DIS3L2: variants seen among roughly 807,000 people sequenced by gnomAD.
DIS3L2 encodes DIS3 like 3'-5' exoribonuclease 2.
A neutral mutation model predicts 97.5 loss-of-function variants in DIS3L2; 34 were observed. That is an observed-to-expected ratio of 0.35 (90% CI 0.27 to 0.46). DIS3L2 has a LOEUF of 0.46. DIS3L2 is among the 20% of genes least tolerant of loss of function. The probability of loss-of-function intolerance (pLI) is 1.00; values close to 1 mark genes in which losing one functional copy is unlikely to be tolerated. For synonymous variants in DIS3L2, 435 were observed against 445.2 expected (o/e 0.98, Z 0.29); for missense variants, 1,038 against 1,146.0 (o/e 0.91, Z 1.36).
chr2:232,333,302 A>G (rs1270350201), intron 16 of DIS3L2, among the ~76,000 whole-genome samples: 1 of 113,328 alleles, frequency 8.8e-6, no homozygotes, highest in African/African-American at 3.5e-5. Context: ...TGCCATCGCC[A>G]CCTCCTCCTC....
At chr2:232,043,702 T>A (rs555579986) in intron 5 of DIS3L2, among the ~76,000 whole-genome samples, 4 of 152,314 alleles carry the variant, frequency 2.6e-5, no homozygotes, top group African/African-American at 9.6e-5. Context: ...ATTTGTTGAT[T>A]TTGGAATTAA....
chr2:232,183,976 C>A (rs1691365106), intron 9 of DIS3L2, among the ~76,000 whole-genome samples: 1 of 152,036 alleles, frequency 6.6e-6, no homozygotes, highest in Admixed American at 6.6e-5. Flanking sequence ...GATTTTAAGG[C>A]TGGAGAGAGA....
intron 14 of DIS3L2, among the ~76,000 whole-genome samples, chr2:232,318,326 T>G (rs2106337027): frequency 6.6e-6 from 1 of 152,364 alleles, no homozygotes; most frequent in African/African-American, 2.4e-5. Flanking sequence ...CGCTGAGAAG[T>G]CTGCCCACAC....
chr2:232,236,590 G>A (rs531503522), intron 10 of DIS3L2, among the ~76,000 whole-genome samples: 1 of 152,174 alleles, frequency 6.6e-6, no homozygotes, highest in South Asian at 2.1e-4. Flanking sequence ...GGTCCTTAGT[G>A]CCTAGGATCC....
chr2:232,116,684 G>A (rs1172161472), intron 6 of DIS3L2, among the ~76,000 whole-genome samples: 1 of 152,188 alleles, frequency 6.6e-6, no homozygotes, highest in African/African-American at 2.4e-5. Flanking sequence ...TGGGTCGTGT[G>A]GCTCTGAATG....
intron 5 of DIS3L2, among the ~76,000 whole-genome samples, chr2:232,041,532 C>G (rs1695111389): frequency 6.6e-6 from 1 of 152,134 alleles, no homozygotes; most frequent in Non-Finnish European, 1.5e-5. Flanking sequence ...GGAGCAAAAA[C>G]CAAAGCAGAG....
intron 14 of DIS3L2, chr2:232,328,734 C>T (rs916291053): frequency 7.2e-5 from 11 of 152,336 alleles, no homozygotes; most frequent in Admixed American, 6.5e-4. Context: ...CCCGATAGCC[C>T]CATGTCTCCC....
At chr2:232,070,198 G>A (rs964341988) in intron 5 of DIS3L2, among the ~76,000 whole-genome samples, 1 of 152,132 alleles carries the variant, frequency 6.6e-6, no homozygotes, top group Non-Finnish European at 1.5e-5. Context: ...TCGTAGGGGC[G>A]GAGGTTGCAG....
chr2:231,963,212 TC>T (rs1411564965), intron 1 of DIS3L2, among the ~76,000 whole-genome samples: 1 of 152,220 alleles, frequency 6.6e-6, no homozygotes, highest in Non-Finnish European at 1.5e-5. Flanking sequence ...GTTTAAATGT[TC>T]CCTTTCCAAG....
intron 13 of DIS3L2, among the ~76,000 whole-genome samples, chr2:232,286,384 T>C (rs1203246374): frequency 2.0e-5 from 3 of 150,502 alleles, no homozygotes; most frequent in Non-Finnish European, 4.4e-5. Flanking sequence ...TGTATCTTCC[T>C]GCTGCGGCCC....
chr2:232,320,051 C>A (rs1360326063), intron 14 of DIS3L2, among the ~76,000 whole-genome samples: 1 of 152,146 alleles, frequency 6.6e-6, no homozygotes, highest in South Asian at 2.1e-4. Context: ...ACCCAGCAGT[C>A]TTATGGTTTT....
chr2:232,118,581 G>T (rs1468509038), intron 6 of DIS3L2, among the ~76,000 whole-genome samples: 1 of 152,170 alleles, frequency 6.6e-6, no homozygotes, highest in Non-Finnish European at 1.5e-5. Flanking sequence ...CAACTGTTGT[G>T]CAGAAGGCAC....
rs573160792 is a variant in DIS3L2 at position 232,325,822 on chromosome 2, T to A, written c.1740-3991T>A. Among the ~76,000 whole-genome samples the A allele has an allele frequency of 1.3e-5, 2 of 152,300 alleles. No individual in the cohort carries two copies. Among genetic ancestry groups the A allele is most frequent in the African/African-American group, 4.8e-5 (2 of 41,572 alleles). Reference sequence around the variant, plus strand: ...CCGCAGGGCCCAGTGATCTCACGCCTGTGCCCCTGGTGCTGGGAGGAGTGG... The same window carrying A: ...CCGCAGGGCCCAGTGATCTCACGCCAGTGCCCCTGGTGCTGGGAGGAGTGG... On this transcript the variant is annotated intron_variant, in intron 14 of 20. Coordinates refer to ENST00000325385, the MANE Select transcript of DIS3L2 (RefSeq NM_152383.5). The surrounding 1 kb of genome is among the most constrained non-coding windows in gnomAD (Gnocchi z 4.6).
At chr2:232,156,602 A>G (rs544846438) in intron 8 of DIS3L2, among the ~76,000 whole-genome samples, 1 of 152,216 alleles carries the variant, frequency 6.6e-6, no homozygotes, top group East Asian at 1.9e-4. Flanking sequence ...AAAACTGGAC[A>G]TTATAAAATG....
intron 3 of DIS3L2, among the ~76,000 whole-genome samples, chr2:232,016,301 A>G (rs1488731291): frequency 6.6e-6 from 1 of 152,234 alleles, no homozygotes; most frequent in African/African-American, 2.4e-5. Context: ...GGTTAGAATA[A>G]GTGTGCAGCA....
downstream of DIS3L2, among the ~76,000 whole-genome samples, chr2:232,340,219 GA>G (rs1460837574): frequency 2.6e-5 from 4 of 152,182 alleles, no homozygotes; most frequent in African/African-American, 4.8e-5. Flanking sequence ...TTGGATCCTG[GA>G]AAGCAGAAGG....
In DIS3L2 at chr2:232,314,903, C is replaced by T. The variant is rs7605391; in HGVS notation, c.1739+14784C>T. On this transcript the variant is annotated intron_variant, in intron 14 of 20. Transcript: ENST00000325385. ...GGTGAGAATGACCATTTTTGTTTTC[C>T]GTATATCTGTACCTGCCACATCCAT... is the stretch of plus-strand genomic sequence containing the variant. 2.2e-3 allele frequency among the ~76,000 whole-genome samples: 340 copies of T among 152,216 alleles called. 4 individuals are homozygous for T. The highest frequency in any genetic ancestry group is 8.0e-3 in the African/African-American group (332 of 41,530).
At chr2:232,025,656 A>G (rs1340262732) in intron 4 of DIS3L2, among the ~76,000 whole-genome samples, 3 of 152,176 alleles carry the variant, frequency 2.0e-5, no homozygotes, top group Admixed American at 2.0e-4. Context: ...CTGCACGAAC[A>G]GTTCTCACAT....
rs192157524 is a variant in DIS3L2, at chr2:232,048,872, A to G, written c.366+18792A>G. On this transcript the variant is annotated intron_variant, in intron 5 of 20. Transcript: ENST00000325385. ...AGCTTAGTTACCTAATGTAAATACT[A>G]TTGTCCTATCAGCATTTCATGTCTT... is the stretch of plus-strand genomic sequence containing the variant. Among the ~76,000 whole-genome samples the G allele has an allele frequency of 6.8e-4, 104 of 152,336 alleles. No individual in the cohort carries two copies. In the South Asian group the frequency reaches 7.9e-3, roughly 12 times the overall value.
Sources: gnomAD v4.1 joint callset for allele counts (sites outside exome capture counted in the v4.1 genomes callset) on GRCh38, gnomAD v4.1.1 for gene constraint, Gnocchi (gnomAD v3.1) non-coding constraint, MANE v1.5 for transcripts, NCBI Gene and HGNC (gene_info 2026-07-23, HGNC 2026-07-21) for gene names.